The following SNRNP35 variants were observed in gnomAD, a reference collection of about 807,000 sequenced individuals.
SNRNP35 encodes the protein small nuclear ribonucleoprotein U11/U12 subunit 35.
SNRNP35 carries 16 observed loss-of-function variants against 24.3 expected under a neutral mutation model. That is an observed-to-expected ratio of 0.66 (90% CI 0.45 to 1.00). SNRNP35 has a LOEUF of 1.00. Ranked by LOEUF, SNRNP35 falls within the 50% of genes least tolerant of loss-of-function variation. SNRNP35 has a pLI of 0.00. For synonymous variants in SNRNP35, 106 were observed against 124.8 expected (o/e 0.85, Z 1.00); for missense variants, 292 against 327.2 (o/e 0.89, Z 0.83).
chr12:123,460,543 A>T (rs1437778407), intron 1 of SNRNP35, among the ~76,000 whole-genome samples: 2 of 142,734 alleles, frequency 1.4e-5, no homozygotes, highest in Admixed American at 1.5e-4. Flanking sequence ...AGGCAGAAGG[A>T]TAGCTCATGC....
At position 123,465,975 on chromosome 12, in the gene SNRNP35, G is replaced by A. The variant is rs1259502310; in HGVS notation, c.435G>A (p.Gly145=). 1 of 1,613,904 alleles carries A rather than the reference G, an allele frequency of 6.2e-7. No individual in the cohort carries two copies. ...WIPRRLGGGL[G]GKKESGQLRF... is the part of the protein sequence containing the mutation. ...CTCGGCGACTTGGAGGCGGTCTTGG[G>A]GGAAAAAAGGAGTCTGGGCAACTGA... The change falls in exon 2 of 2, where the codon GGG becomes GGA. Residue 145 remains glycine (G), a synonymous_variant. Transcript: ENST00000526639. This position sits in a 1 kb window ranked among gnomAD's most constrained non-coding sequence, Gnocchi z 4.2.
downstream of SNRNP35, chr12:123,470,473 C>CAAAAAAAAAAAAA (rs57574691): frequency 1.2e-5 from 1 of 86,160 alleles, no homozygotes; most frequent in Admixed American, 1.3e-4. Flanking sequence ...ACCCTGTGTC[C>CAAAAAAAAAAAAA]AAAAAAAAAA....
downstream of SNRNP35, among the ~76,000 whole-genome samples, chr12:123,469,536 C>G (rs549617205): frequency 2.0e-5 from 3 of 149,662 alleles, no homozygotes; most frequent in East Asian, 6.0e-4. Flanking sequence ...TCACTCTGTC[C>G]CCCAGGCTGG....
chr12:123,468,798 A>G (rs1173050980), downstream of SNRNP35, among the ~76,000 whole-genome samples: 4 of 152,228 alleles, frequency 2.6e-5, no homozygotes, highest in African/African-American at 9.6e-5. Flanking sequence ...TACAGCCTCC[A>G]TGGTAGGGAC....
chr12:123,463,028 C>T (rs1880720831), intron 1 of SNRNP35, among the ~76,000 whole-genome samples: 1 of 152,078 alleles, frequency 6.6e-6, no homozygotes. Flanking sequence ...GGAATGAGAA[C>T]TACTGTATAT....
rs61289565 is a variant in SNRNP35 at position 123,466,552 on chromosome 12, CTT to C, written c.*284_*285del. On this transcript the variant is annotated 3_prime_UTR_variant, in exon 2 of 2. Transcript: ENST00000526639. Reference sequence around the variant, plus strand: ...ACAGAAGGGCATTTTCTTTTCTTTTCTTTTTTTTTTTTTTGAGACAGAGTCTC... The same window carrying C: ...ACAGAAGGGCATTTTCTTTTCTTTTCTTTTTTTTTTTTGAGACAGAGTCTC... 0.019 allele frequency: 3,670 copies of C among 189,426 alleles called. No homozygotes were observed. Among genetic ancestry groups the C allele is most frequent in the East Asian group, 0.071 (555 of 7,776 alleles). 11.7% of individuals were successfully genotyped at this position (189,426 alleles called of 1,614,324 possible). A position where few individuals can be genotyped will look rare whatever the true frequency, so the allele number is the denominator to read the frequency against.
chr12:123,461,282 A>ATG (rs1880612073), intron 1 of SNRNP35, among the ~76,000 whole-genome samples: 1 of 131,202 alleles, frequency 7.6e-6, no homozygotes, highest in South Asian at 2.4e-4. Context: ...CGCCTGGCTA[A>ATG]TTTTTTTTTT....
chr12:123,459,790 T>A, intron 1 of SNRNP35: 1 of 1,527,402 alleles, frequency 6.5e-7, no homozygotes. Flanking sequence ...TTGTCTCGAG[T>A]AAAAAAAGAG....
chr12:123,469,832 G>GA (rs1881104449), downstream of SNRNP35, among the ~76,000 whole-genome samples: 1 of 150,780 alleles, frequency 6.6e-6, no homozygotes, highest in Non-Finnish European at 1.5e-5. Flanking sequence ...GGGGAAAAAA[G>GA]AAAAGCACAG....
At position 123,465,873 on chromosome 12, in the gene SNRNP35, T is replaced by C; in HGVS notation, c.333T>C (p.Asp111=). Residue 111 remains aspartate (D), a synonymous_variant, in exon 2 of 2, where the codon GAT becomes GAC. Transcript: ENST00000526639. The surrounding 1 kb of genome is among the most constrained non-coding windows in gnomAD (Gnocchi z 4.2). Reference sequence around the variant, plus strand: ...GTGCCGTGATCAAAGCTTACCGAGATGCTGATGGCCTGGTTATTGACCAGC... The same window carrying C: ...GTGCCGTGATCAAAGCTTACCGAGACGCTGATGGCCTGGTTATTGACCAGC... ...EERAVIKAYR[D]ADGLVIDQHE... is the part of the protein sequence containing the mutation. The C allele has an allele frequency of 6.2e-7, 1 of 1,613,754 alleles. No individual in the cohort carries two copies. Among genetic ancestry groups the C allele is most frequent in the Non-Finnish European group, 8.5e-7 (1 of 1,179,924 alleles).
At chr12:123,468,661 A>G (rs1881063713), downstream of SNRNP35, among the ~76,000 whole-genome samples, 1 of 152,104 alleles carries the variant, frequency 6.6e-6, no homozygotes, top group South Asian at 2.1e-4. Flanking sequence ...CTGCACTCCA[A>G]CCTGGGTGAC....
In SNRNP35 at chr12:123,465,924, G is replaced by A. The variant is rs112947708; in HGVS notation, c.384G>A (p.Leu128=). The A allele has an allele frequency of 0.015, 24,626 of 1,613,946 alleles. 348 individuals are homozygous for A. Among genetic ancestry groups the A allele is most frequent in the Admixed American group, 0.054 (3,231 of 59,958 alleles). ...DQHEIFVDYE[L]ERTLKGWIPR... is the part of the protein sequence containing the mutation. ...ATGAGATATTTGTGGACTACGAGCTGGAAAGGACTCTCAAAGGGTGGATCC... is the reference window on the plus strand; with the variant it reads ...ATGAGATATTTGTGGACTACGAGCTAGAAAGGACTCTCAAAGGGTGGATCC... Residue 128 remains leucine (L), a synonymous_variant, in exon 2 of 2, where the codon CTG becomes CTA. Coordinates refer to ENST00000526639, the MANE Select transcript of SNRNP35 (RefSeq NM_022717.4). The surrounding 1 kb of genome is among the most constrained non-coding windows in gnomAD (Gnocchi z 4.2).
rs148264502 is a variant in SNRNP35, at chr12:123,465,629, C to T, written c.89C>T (p.Ala30Val). The change falls in exon 2 of 2, where the codon GCG (alanine) becomes GTG (valine). Residue 30 changes from alanine (A) to valine (V), a missense_variant. Coordinates refer to ENST00000526639, the MANE Select transcript of SNRNP35 (RefSeq NM_022717.4). This position sits in a 1 kb window ranked among gnomAD's most constrained non-coding sequence, Gnocchi z 4.2. ...ACCGATGAAGACCCACACGACCGCG[C>T]GGTCTGGAGGGCAATGCTGGCACGA... ...DGTDEDPHDR[A>V]VWRAMLARYV... 711 of 1,612,868 alleles carry T rather than the reference C, an allele frequency of 4.4e-4. No homozygotes were observed. Among genetic ancestry groups the T allele is most frequent in the Non-Finnish European group, 5.0e-4 (586 of 1,179,502 alleles).
chr12:123,470,683 C>T (rs1313632895), downstream of SNRNP35: 1 of 152,148 alleles, frequency 6.6e-6, no homozygotes, highest in Non-Finnish European at 1.5e-5. Context: ...ACTTGGGAGG[C>T]TCAGGCATGA....
At chr12:123,469,982 TG>T (rs1881112460), downstream of SNRNP35, 1 of 150,686 alleles carries the variant, frequency 6.6e-6, no homozygotes, top group Non-Finnish European at 1.5e-5. Flanking sequence ...GGACCAGCCT[TG>T]GTGACATAGT....
chr12:123,467,500 C>T (rs1027295019), downstream of SNRNP35, among the ~76,000 whole-genome samples: 3 of 152,078 alleles, frequency 2.0e-5, no homozygotes, highest in Non-Finnish European at 2.9e-5. Flanking sequence ...CTGGGGTGCT[C>T]GAGAGCTAGA....
downstream of SNRNP35, among the ~76,000 whole-genome samples, chr12:123,467,580 C>T (rs543721372): frequency 1.9e-4 from 29 of 152,306 alleles, no homozygotes; most frequent in African/African-American, 6.5e-4. Context: ...AAAAAAGTGA[C>T]ATTTAGCATT....
exon 2 of SNRNP35, chr12:123,472,739 C>T (rs1881279554): frequency 7.1e-6 from 11 of 1,558,198 alleles, no homozygotes; most frequent in South Asian, 2.4e-5. Context: ...GTGCAAGTCA[C>T]GTTTTTTGCA....
chr12:123,463,509 C>T (rs1880749752), intron 1 of SNRNP35, among the ~76,000 whole-genome samples: 2 of 151,628 alleles, frequency 1.3e-5, no homozygotes, highest in South Asian at 4.2e-4. Flanking sequence ...TCCCGAGTAG[C>T]TGCGACTACA....
Sources: allele counts gnomAD v4.1 joint callset (sites outside exome capture counted in the v4.1 genomes callset), GRCh38; gene constraint gnomAD v4.1.1; non-coding constraint Gnocchi (gnomAD v3.1); transcripts MANE v1.5; gene names NCBI Gene and HGNC (gene_info 2026-07-23, HGNC 2026-07-21).